Variants in SLC22A23 observed in about 807,000 individuals in gnomAD.
SLC22A23 encodes solute carrier family 22 member 23, also known as ion transporter protein.
Under a neutral mutation model 61.0 loss-of-function variants are expected in SLC22A23, and 26 were observed. The observed-to-expected ratio is 0.43, with a 90% CI of 0.31 to 0.59. The LOEUF is 0.59. Among genes scored for constraint, SLC22A23 ranks in the 20% least tolerant of loss-of-function variants. The probability of loss-of-function intolerance (pLI) is 0.11; values close to 1 mark genes in which losing one functional copy is unlikely to be tolerated. For synonymous variants in SLC22A23, 430 were observed against 413.9 expected (o/e 1.04, Z -0.47); for missense variants, 796 against 934.7 (o/e 0.85, Z 1.94).
chr6:3,436,642 G>A (rs1026830142), intron 1 of SLC22A23, among the ~76,000 whole-genome samples: 5 of 152,126 alleles, frequency 3.3e-5, no homozygotes, highest in Middle Eastern at 3.2e-3. Flanking sequence ...CATGCACCGT[G>A]CACCGCTCTG....
At chr6:3,447,583 CTTTTTTT>C (rs757788904) in intron 1 of SLC22A23, among the ~76,000 whole-genome samples, 2 of 113,410 alleles carry the variant, frequency 1.8e-5, no homozygotes, top group African/African-American at 3.5e-5. Flanking sequence ...AAGAAACTTT[CTTTTTTT>C]TTTTTTTTTT....
At chr6:3,293,506 CG>C (rs1760805473) in intron 5 of SLC22A23, among the ~76,000 whole-genome samples, 1 of 150,528 alleles carries the variant, frequency 6.6e-6, no homozygotes, top group Non-Finnish European at 1.5e-5. Flanking sequence ...AGTCTTATCA[CG>C]AAGTCACCTC....
At position 3,394,499 on chromosome 6, in the gene SLC22A23, T is replaced by C. The variant is rs13191602; in HGVS notation, c.913+15689A>G. Reference sequence around the variant, plus strand: ...GGAAATATAGATTTGAGTGATTAGTTCTCCATTTAACTTTTTCCAGGGATG... The same window carrying C: ...GGAAATATAGATTTGAGTGATTAGTCCTCCATTTAACTTTTTCCAGGGATG... On this transcript the variant is annotated intron_variant, in intron 3 of 9. Coordinates refer to ENST00000406686, the MANE Select transcript of SLC22A23 (RefSeq NM_015482.2). Among the ~76,000 whole-genome samples, 5 of 152,180 alleles carry C rather than the reference T, an allele frequency of 3.3e-5. No individual in the cohort carries two copies. The South Asian group carries it at 1.0e-3, about 32-fold the overall frequency.
At chr6:3,402,417 G>A (rs72844628) in intron 3 of SLC22A23, among the ~76,000 whole-genome samples, 238 of 135,080 alleles carry the variant, frequency 1.8e-3, no homozygotes, top group Admixed American at 2.2e-3. Context: ...TTTAGATTCC[G>A]ACCCCAATCA....
intron 1 of SLC22A23, among the ~76,000 whole-genome samples, chr6:3,421,542 T>C (rs1770135874): frequency 6.6e-6 from 1 of 152,240 alleles, no homozygotes; most frequent in African/African-American, 2.4e-5. Flanking sequence ...GAAGAGATGT[T>C]TGTATATGCA....
chr6:3,408,687 G>T (rs1302347630), intron 3 of SLC22A23, among the ~76,000 whole-genome samples: 2 of 152,198 alleles, frequency 1.3e-5, no homozygotes, highest in Non-Finnish European at 2.9e-5. Flanking sequence ...TTGCGGTAAG[G>T]TAATTTTCCA....
rs1021133974 is a variant in SLC22A23 at position 3,271,523 on chromosome 6, T to C, written c.*1532A>G. Reference sequence around the variant, plus strand: ...CCCTGTGAATTCTAGCAACTGTCGGTTGGAAGTCACTTCATTGTCTCACCC... The same window carrying C: ...CCCTGTGAATTCTAGCAACTGTCGGCTGGAAGTCACTTCATTGTCTCACCC... On this transcript the variant is annotated 3_prime_UTR_variant, in exon 10 of 10. Coordinates refer to ENST00000406686, the MANE Select transcript of SLC22A23 (RefSeq NM_015482.2). 6.6e-6 allele frequency: 1 copy of C among 152,378 alleles called. No homozygotes were observed. The highest frequency in any genetic ancestry group is 1.5e-5 in the Non-Finnish European group (1 of 68,048). The allele number at this position is 152,378 out of a possible 1,614,324, so 9.4% of individuals were successfully genotyped here. A position where few individuals can be genotyped will look rare whatever the true frequency, so the allele number is the denominator to read the frequency against.
intron 3 of SLC22A23, among the ~76,000 whole-genome samples, chr6:3,376,815 G>A (rs538609882): frequency 2.0e-5 from 3 of 152,264 alleles, no homozygotes; most frequent in South Asian, 2.1e-4. Context: ...AGTGAGGCTG[G>A]CCTCCTGGCT....
At chr6:3,433,876 T>C (rs529852251) in intron 1 of SLC22A23, among the ~76,000 whole-genome samples, 210 of 152,154 alleles carry the variant, frequency 1.4e-3, no homozygotes, top group African/African-American at 4.7e-3. Context: ...GCCTAAGGGG[T>C]GGGCTGACTG....
chr6:3,435,949 G>C (rs994201802), intron 1 of SLC22A23, among the ~76,000 whole-genome samples: 2 of 152,134 alleles, frequency 1.3e-5, no homozygotes, highest in African/African-American at 4.8e-5. Context: ...AGAGAACTCA[G>C]GAGAAACTGA....
chr6:3,323,610 G>A lies in SLC22A23; in HGVS notation c.1082+224C>T, dbSNP rs1199806330. On this transcript the variant is annotated intron_variant, in intron 4 of 9. Coordinates refer to ENST00000406686, the MANE Select transcript of SLC22A23 (RefSeq NM_015482.2). ...CATTTGCAGATTTTTGGAGCTGGGT[G>A]ATGGGCTCATTCCACTCTTCTATTT... is the stretch of plus-strand genomic sequence containing the variant. 9.9e-6 allele frequency: 6 copies of A among 608,070 alleles called. No individual in the cohort carries two copies. In the East Asian group the frequency reaches 1.4e-4, roughly 15 times the overall value. The allele number at this position is 608,070 out of a possible 1,614,324, so 37.7% of individuals were successfully genotyped here.
intron 9 of SLC22A23, among the ~76,000 whole-genome samples, chr6:3,276,521 C>T (rs1388713025): frequency 6.6e-6 from 1 of 152,208 alleles, no homozygotes; most frequent in African/African-American, 2.4e-5. Context: ...TGGCTCCCTC[C>T]TGCCTGCAAG....
chr6:3,396,287 G>T (rs964277634), intron 3 of SLC22A23, among the ~76,000 whole-genome samples: 1 of 152,236 alleles, frequency 6.6e-6, no homozygotes, highest in African/African-American at 2.4e-5. Flanking sequence ...AGATGGCCAG[G>T]TGCAGTGGCT....
intron 3 of SLC22A23, among the ~76,000 whole-genome samples, chr6:3,335,906 G>A (rs185237748): frequency 9.2e-5 from 14 of 152,206 alleles, no homozygotes; most frequent in African/African-American, 2.6e-4. Context: ...TGGCTAATAC[G>A]GTGAAATCCC....
At chr6:3,384,374 T>C (rs371768574) in intron 3 of SLC22A23, among the ~76,000 whole-genome samples, 3 of 152,238 alleles carry the variant, frequency 2.0e-5, no homozygotes, top group East Asian at 1.9e-4. Context: ...AAAGTATAGA[T>C]AAGTAAAAAT....
chr6:3,350,983 TA>T (rs11392398), intron 3 of SLC22A23, among the ~76,000 whole-genome samples: 103 of 149,698 alleles, frequency 6.9e-4, no homozygotes, highest in Admixed American at 1.1e-3. Context: ...ATTTTTTTCT[TA>T]AAAAAAAAAA....
intron 6 of SLC22A23, 134 bp from the exon 7 acceptor site, chr6:3,287,225 G>T: frequency 1.3e-6 from 1 of 763,454 alleles, no homozygotes; most frequent in Non-Finnish European, 2.1e-6. Flanking sequence ...AGCCCATCAT[G>T]ACCGAACCAC....
Position 3,330,619 on chromosome 6 carries a change from G to A in SLC22A23, c.914-6617C>T, listed in dbSNP as rs2127408771. ...AAAATAGACTTTGGGACATGTGATTGTGGAATTCCTTATTATAGCAGAAGG... is the reference window on the plus strand; with the variant it reads ...AAAATAGACTTTGGGACATGTGATTATGGAATTCCTTATTATAGCAGAAGG... On this transcript the variant is annotated intron_variant, in intron 3 of 9. Transcript: ENST00000406686. The surrounding 1 kb of genome is among the most constrained non-coding windows in gnomAD (Gnocchi z 4.7). Among the ~76,000 whole-genome samples, 1 of 152,338 alleles carries A rather than the reference G, an allele frequency of 6.6e-6. No homozygotes were observed.
At chr6:3,357,369 C>T (rs1765180294) in intron 3 of SLC22A23, among the ~76,000 whole-genome samples, 1 of 152,120 alleles carries the variant, frequency 6.6e-6, no homozygotes, top group African/African-American at 2.4e-5. Flanking sequence ...TGTGGCTCAG[C>T]AATAGTGTAA....
Sources: gnomAD v4.1 joint callset for allele counts (sites outside exome capture counted in the v4.1 genomes callset) on GRCh38, gnomAD v4.1.1 for gene constraint, Gnocchi (gnomAD v3.1) non-coding constraint, MANE v1.5 for transcripts, NCBI Gene and HGNC (gene_info 2026-07-23, HGNC 2026-07-21) for gene names.